AP2B1: variants seen among roughly 807,000 people sequenced by gnomAD.
AP2B1 encodes the protein AP-2 complex subunit beta.
A neutral mutation model predicts 102.0 loss-of-function variants in AP2B1; 23 were observed. That is an observed-to-expected ratio of 0.23 (90% confidence interval 0.16 to 0.32). The LOEUF (loss-of-function observed/expected upper bound fraction) is 0.32, where lower values mean the gene tolerates loss of function less well. Among genes scored for constraint, AP2B1 ranks in the 10% least tolerant of loss-of-function variants. AP2B1 has a pLI of 1.00. For missense variants in AP2B1, 541 were observed against 1,157.4 expected (o/e 0.47, Z 7.73); for synonymous variants, 381 against 421.2 (o/e 0.90, Z 1.17).
chr17:35,650,447 T>G (rs2075059218), intron 12 of AP2B1, 83 bp from the exon 13 acceptor site: 3 of 1,495,438 alleles, frequency 2.0e-6, no homozygotes, highest in Admixed American at 1.9e-5. Context: ...ACTACAACAT[T>G]GGTTGATGAT....
At chr17:35,683,207 C>T (rs2075861400) in intron 18 of AP2B1, among the ~76,000 whole-genome samples, 1 of 152,130 alleles carries the variant, frequency 6.6e-6, no homozygotes, top group Non-Finnish European at 1.5e-5. Context: ...AAAAAAGTCC[C>T]TCTTTCTTCC....
intron 12 of AP2B1, among the ~76,000 whole-genome samples, chr17:35,642,378 T>A (rs921372265): frequency 1.3e-5 from 2 of 152,218 alleles, no homozygotes; most frequent in Non-Finnish European, 2.9e-5. Flanking sequence ...AGTAGTTGCC[T>A]TTCTCACAGA....
At chr17:35,624,067 T>C (rs1042978392) in intron 5 of AP2B1, among the ~76,000 whole-genome samples, 2 of 152,246 alleles carry the variant, frequency 1.3e-5, no homozygotes, top group African/African-American at 4.8e-5. Context: ...ATTCAGACTT[T>C]GTCATTTTTC....
intron 18 of AP2B1, among the ~76,000 whole-genome samples, chr17:35,687,596 G>A (rs79008018): frequency 2.0e-5 from 3 of 152,006 alleles, no homozygotes; most frequent in South Asian, 4.1e-4. Flanking sequence ...CACCCGGGCT[G>A]AAGTGCAGTA....
rs1265564033 is a variant in AP2B1 at position 35,612,049 on chromosome 17, CAT to C, written c.525+3665_525+3666del. Among the ~76,000 whole-genome samples the C allele has an allele frequency of 2.0e-5, 3 of 152,272 alleles. No individual in the cohort carries two copies. In the East Asian group the frequency reaches 5.8e-4, roughly 29 times the overall value. ...TTGAGAAACAGTTTCAGGAATACCT[CAT>C]ATTTTGTTGTCTCTTTATTTATAGA... On this transcript the variant is annotated intron_variant, in intron 5 of 21. Transcript: ENST00000610402.
At chr17:35,643,436 ATT>A (rs1336712761) in intron 12 of AP2B1, among the ~76,000 whole-genome samples, 1 of 152,126 alleles carries the variant, frequency 6.6e-6, no homozygotes, top group Non-Finnish European at 1.5e-5. Context: ...CCTTATCATC[ATT>A]GTCTGTTAAA....
intron 5 of AP2B1, among the ~76,000 whole-genome samples, chr17:35,611,594 A>T (rs1380862626): frequency 2.0e-5 from 3 of 152,234 alleles, no homozygotes; most frequent in Admixed American, 2.0e-4. Flanking sequence ...CGATTTATTC[A>T]AAGTTTACAT....
intron 13 of AP2B1, among the ~76,000 whole-genome samples, chr17:35,656,268 T>TAGGGGGCC (rs11272639): frequency 0.23 from 35,274 of 151,892 alleles, 4,399 homozygotes; most frequent in East Asian, 0.34. Context: ...TTGTGAACCA[T>TAGGGGGCC]AGGGGGCCAA....
chr17:35,656,707 C>G (rs9901142), intron 13 of AP2B1, among the ~76,000 whole-genome samples: 1 of 149,564 alleles, frequency 6.7e-6, no homozygotes, highest in Non-Finnish European at 1.5e-5. Flanking sequence ...CACGGTGATA[C>G]CCCGTCTCTA....
intron 18 of AP2B1, among the ~76,000 whole-genome samples, chr17:35,689,150 A>G (rs2075993444): frequency 6.6e-6 from 1 of 152,186 alleles, no homozygotes; most frequent in African/African-American, 2.4e-5. Context: ...AGACATTTAT[A>G]TCACTTAATC....
intron 18 of AP2B1, among the ~76,000 whole-genome samples, chr17:35,688,579 G>A (rs994518711): frequency 2.0e-5 from 3 of 151,994 alleles, no homozygotes; most frequent in Non-Finnish European, 2.9e-5. Flanking sequence ...CTTATCAGAC[G>A]TCTTGCTATT....
chr17:35,610,408 A>C (rs539496355), intron 5 of AP2B1, among the ~76,000 whole-genome samples: 1 of 151,974 alleles, frequency 6.6e-6, no homozygotes, highest in Admixed American at 6.6e-5. Flanking sequence ...TGACCTCCCA[A>C]AGTGCTGGGA....
chr17:35,619,450 C>T (rs898717052), intron 5 of AP2B1, among the ~76,000 whole-genome samples: 3 of 151,248 alleles, frequency 2.0e-5, no homozygotes, highest in African/African-American at 7.3e-5. Flanking sequence ...TGAGAGAAGC[C>T]TGGGCAACAT....
intron 18 of AP2B1, among the ~76,000 whole-genome samples, chr17:35,686,417 C>T (rs2075932482): frequency 6.6e-6 from 1 of 152,140 alleles, no homozygotes; most frequent in Non-Finnish European, 1.5e-5. Context: ...GAAACATTTT[C>T]CCAGTGAACT....
chr17:35,612,877 T>C (rs2073903144), intron 5 of AP2B1, among the ~76,000 whole-genome samples: 1 of 71,894 alleles, frequency 1.4e-5, no homozygotes, highest in African/African-American at 5.5e-5. Flanking sequence ...AATGTGTATG[T>C]GCGCACACAC....
chr17:35,672,296 C>T (rs2075605637), intron 16 of AP2B1, among the ~76,000 whole-genome samples: 1 of 152,128 alleles, frequency 6.6e-6, no homozygotes, highest in African/African-American at 2.4e-5. Flanking sequence ...TCTAGAATGC[C>T]ACTGCTCAGA....
chr17:35,603,782 A>G (rs1282226594), intron 3 of AP2B1, among the ~76,000 whole-genome samples: 2 of 152,230 alleles, frequency 1.3e-5, no homozygotes, highest in African/African-American at 4.8e-5. Context: ...TTGAAACTGT[A>G]GTAGATGGAT....
At chr17:35,627,336 T>A (rs2142575893) in intron 7 of AP2B1, 49 bp from the exon 8 acceptor site, 1 of 1,538,210 alleles carries the variant, frequency 6.5e-7, no homozygotes, top group Non-Finnish European at 8.8e-7. Context: ...CAGAAGGGTA[T>A]ATCAGTATAT....
chr17:35,621,369 C>T, intron 5 of AP2B1: 1 of 982,674 alleles, frequency 1.0e-6, no homozygotes, highest in Non-Finnish European at 1.2e-6. Context: ...GCCTGGTGAG[C>T]CTGCCTCAGT....
Sources: allele counts gnomAD v4.1 joint callset (sites outside exome capture counted in the v4.1 genomes callset), GRCh38; gene constraint gnomAD v4.1.1; transcripts MANE v1.5; gene names NCBI Gene and HGNC (gene_info 2026-07-23, HGNC 2026-07-21).